Variants in SLC27A6 observed in about 807,000 individuals in gnomAD.
SLC27A6 encodes solute carrier family 27 member 6, also known as long-chain fatty acid transport protein 6.
A neutral mutation model predicts 63.9 loss-of-function variants in SLC27A6; 74 were observed. The ratio of observed to expected loss-of-function variants is 1.16; its 90% confidence interval spans 0.96 to 1.40. SLC27A6 has a LOEUF of 1.40. Among genes scored for constraint, SLC27A6 ranks in the 40% most tolerant of loss-of-function variants. The pLI is 0.00. For synonymous variants in SLC27A6, 287 were observed against 260.8 expected (o/e 1.10, Z -0.97); for missense variants, 794 against 732.9 (o/e 1.08, Z -0.96).
At chr5:128,994,403 G>A (rs1751086229) in intron 4 of SLC27A6, among the ~76,000 whole-genome samples, 1 of 151,916 alleles carries the variant, frequency 6.6e-6, no homozygotes, top group Non-Finnish European at 1.5e-5. Flanking sequence ...AGCTGTTCTT[G>A]GCATTACAAA....
At chr5:129,005,697 C>T (rs567577323) in intron 4 of SLC27A6, among the ~76,000 whole-genome samples, 14 of 146,166 alleles carry the variant, frequency 9.6e-5, no homozygotes, top group African/African-American at 3.3e-4. Context: ...ACTGCAAGCT[C>T]CGCCTCCTGG....
intron 4 of SLC27A6, among the ~76,000 whole-genome samples, chr5:129,006,113 G>A (rs1751523107): frequency 1.3e-5 from 1 of 74,734 alleles, no homozygotes; most frequent in African/African-American, 6.2e-5. Flanking sequence ...GAGTCTCGCT[G>A]TGTTGCCCAG....
chr5:128,980,849 G>A (rs1382531905), intron 1 of SLC27A6, among the ~76,000 whole-genome samples: 1 of 152,088 alleles, frequency 6.6e-6, no homozygotes, highest in Non-Finnish European at 1.5e-5. Context: ...GTATTAGCTT[G>A]TTTTATGTAG....
intron 1 of SLC27A6, among the ~76,000 whole-genome samples, chr5:128,978,270 A>G (rs1428724756): frequency 6.6e-6 from 1 of 152,198 alleles, no homozygotes; most frequent in Non-Finnish European, 1.5e-5. Context: ...TCAAAGTGGA[A>G]TTGACAGTCT....
intron 4 of SLC27A6, among the ~76,000 whole-genome samples, chr5:128,995,417 C>G (rs1375857547): frequency 6.6e-5 from 10 of 152,128 alleles, no homozygotes; most frequent in Admixed American, 4.6e-4. Context: ...TTTATACTCT[C>G]TTTGATGAGG....
intron 1 of SLC27A6, among the ~76,000 whole-genome samples, chr5:128,984,277 A>C (rs1474867188): frequency 6.6e-6 from 1 of 152,198 alleles, no homozygotes; most frequent in Non-Finnish European, 1.5e-5. Flanking sequence ...TATCCCACAG[A>C]GTGTTGGTTA....
chr5:128,966,041 T>C lies in SLC27A6; in HGVS notation c.-97T>C, dbSNP rs1359253106. ...AAGAACTTCAGGTGTAAGCCCTGAG[T>C]AGTGAGGATCTGCGGTCTCCGTGGA... On this transcript the variant is annotated 5_prime_UTR_variant, in exon 1 of 10. Coordinates refer to ENST00000262462, the MANE Select transcript of SLC27A6 (RefSeq NM_001017372.3). The C allele has an allele frequency of 1.4e-5, 20 of 1,413,694 alleles. No homozygotes were observed. Among genetic ancestry groups the C allele is most frequent in the Non-Finnish European group, 3.8e-6 (4 of 1,057,518 alleles). 87.6% of individuals were successfully genotyped at this position (1,413,694 alleles called of 1,614,324 possible). A position where few individuals can be genotyped will look rare whatever the true frequency, so the allele number is the denominator to read the frequency against.
At chr5:129,032,827 T>G (rs1486836067) in intron 9 of SLC27A6, among the ~76,000 whole-genome samples, 1 of 152,040 alleles carries the variant, frequency 6.6e-6, no homozygotes, top group Non-Finnish European at 1.5e-5. Flanking sequence ...ATTGAAGAGA[T>G]AACCTATGTA....
chr5:128,979,614 C>G (rs1750514285), intron 1 of SLC27A6, among the ~76,000 whole-genome samples: 1 of 152,076 alleles, frequency 6.6e-6, no homozygotes, highest in South Asian at 2.1e-4. Flanking sequence ...CTTCTTGTGC[C>G]ATTTCAGTAA....
intron 9 of SLC27A6, among the ~76,000 whole-genome samples, chr5:129,030,398 G>A (rs1340932096): frequency 6.6e-6 from 1 of 150,740 alleles, no homozygotes; most frequent in Admixed American, 6.6e-5. Flanking sequence ...TTTTTTTTCT[G>A]AATACATTTG....
At chr5:129,001,247 C>T (rs1048119652) in intron 4 of SLC27A6, among the ~76,000 whole-genome samples, 1 of 152,158 alleles carries the variant, frequency 6.6e-6, no homozygotes, top group African/African-American at 2.4e-5. Context: ...CACACCACTC[C>T]TTTCCTGCTT....
At chr5:129,032,477 C>A (rs932877236) in intron 9 of SLC27A6, among the ~76,000 whole-genome samples, 3 of 151,964 alleles carry the variant, frequency 2.0e-5, no homozygotes, top group African/African-American at 7.2e-5. Flanking sequence ...ATAATGACAT[C>A]ATTGAATGTA....
At chr5:128,977,697 A>T (rs113452960) in intron 1 of SLC27A6, among the ~76,000 whole-genome samples, 4,320 of 152,296 alleles carry the variant, frequency 0.028, 83 homozygotes, top group Non-Finnish European at 0.041. Flanking sequence ...AATAAGGTTA[A>T]TATTTACCTA....
intron 9 of SLC27A6, among the ~76,000 whole-genome samples, chr5:129,032,892 G>A (rs1032911163): frequency 5.3e-5 from 8 of 151,828 alleles, no homozygotes; most frequent in Admixed American, 5.3e-4. Flanking sequence ...TATATTGAAT[G>A]AGTTTATATT....
At chr5:128,990,564 C>A in intron 4 of SLC27A6, 100 bp downstream of exon 4, 1 of 1,237,116 alleles carries the variant, frequency 8.1e-7, no homozygotes, top group Non-Finnish European at 1.1e-6. Flanking sequence ...ACCTTTGTTA[C>A]TGGCGGGTCT....
intron 4 of SLC27A6, among the ~76,000 whole-genome samples, chr5:128,991,028 T>G (rs1440011163): frequency 6.6e-6 from 1 of 152,086 alleles, no homozygotes. Context: ...GTTGCAAGAT[T>G]TAATAGAGTG....
At chr5:128,984,217 C>T (rs1750707566) in intron 1 of SLC27A6, among the ~76,000 whole-genome samples, 1 of 152,120 alleles carries the variant, frequency 6.6e-6, no homozygotes, top group African/African-American at 2.4e-5. Flanking sequence ...AATGATGCTT[C>T]ACTTGCTTAC....
At chr5:129,007,959 A>G (rs936232814) in intron 4 of SLC27A6, among the ~76,000 whole-genome samples, 2 of 152,078 alleles carry the variant, frequency 1.3e-5, no homozygotes, top group African/African-American at 4.8e-5. Flanking sequence ...TAATGTCCAG[A>G]ATTTATTAAT....
intron 1 of SLC27A6, 110 bp downstream of exon 1, chr5:128,966,728 G>T (rs1749919130): frequency 1.8e-6 from 2 of 1,134,502 alleles, no homozygotes; most frequent in African/African-American, 3.1e-5. Context: ...TGAGTGAAGT[G>T]TGCATGTTAA....
Sources: allele counts gnomAD v4.1 joint callset (sites outside exome capture counted in the v4.1 genomes callset), GRCh38; gene constraint gnomAD v4.1.1; transcripts MANE v1.5; gene names NCBI Gene and HGNC (gene_info 2026-07-23, HGNC 2026-07-21).